Variants in LMNTD1 observed in about 807,000 individuals in gnomAD.
LMNTD1 encodes the protein lamin tail domain-containing protein 1.
A neutral mutation model predicts 50.9 loss-of-function variants in LMNTD1; 35 were observed. The observed-to-expected ratio is 0.69, with a 90% CI of 0.53 to 0.91. The LOEUF is 0.91. Ranked by LOEUF, LMNTD1 falls within the 40% of genes least tolerant of loss-of-function variation. LMNTD1 has a pLI of 0.00. For missense variants in LMNTD1, 470 were observed against 475.5 expected (o/e 0.99, Z 0.11); for synonymous variants, 153 against 161.9 (o/e 0.94, Z 0.42).
At chr12:25,600,019 G>A (rs938376726) in intron 1 of LMNTD1, among the ~76,000 whole-genome samples, 1 of 151,932 alleles carries the variant, frequency 6.6e-6, no homozygotes, top group African/African-American at 2.4e-5. Flanking sequence ...AACAAAACTG[G>A]AGGAATCATG....
In LMNTD1 at chr12:25,534,305, TG is replaced by T. The variant is rs550958989; in HGVS notation, c.492-7351del. Reference sequence around the variant, plus strand: ...CAAGAAGTGACTTTAGCCTTCCATCTGAAACAACTAAAAATCTGGAAAAATA... The same window carrying T: ...CAAGAAGTGACTTTAGCCTTCCATCTAAACAACTAAAAATCTGGAAAAATA... On this transcript the variant is annotated intron_variant, in intron 4 of 9. Transcript: ENST00000458174. Among the ~76,000 whole-genome samples the T allele has an allele frequency of 2.2e-3, 334 of 152,344 alleles. 1 individual carries two copies. Among genetic ancestry groups the T allele is most frequent in the African/African-American group, 7.7e-3 (322 of 41,584 alleles).
intron 4 of LMNTD1, among the ~76,000 whole-genome samples, chr12:25,533,338 C>T (rs1204753832): frequency 1.3e-5 from 2 of 152,144 alleles, no homozygotes; most frequent in East Asian, 1.9e-4. Context: ...AGTGATGTTG[C>T]AATCACCATC....
intron 6 of LMNTD1, among the ~76,000 whole-genome samples, chr12:25,522,646 AT>A (rs1329920566): frequency 2.0e-5 from 3 of 152,282 alleles, no homozygotes; most frequent in African/African-American, 7.2e-5. Context: ...ATGAGTTCCT[AT>A]TGTATAGGAC....
chr12:25,567,143 T>G (rs1358592434), intron 1 of LMNTD1, among the ~76,000 whole-genome samples: 1 of 152,166 alleles, frequency 6.6e-6, no homozygotes, highest in African/African-American at 2.4e-5. Context: ...AAACCAGACA[T>G]CTGAGATAGA....
At chr12:25,545,284 T>C (rs1000254321) in intron 4 of LMNTD1, among the ~76,000 whole-genome samples, 3 of 151,676 alleles carry the variant, frequency 2.0e-5, no homozygotes, top group African/African-American at 4.8e-5. Context: ...TCTCATTACC[T>C]CCTGACCTAC....
At chr12:25,644,579 T>TAA (rs1355213791) in intron 1 of LMNTD1, among the ~76,000 whole-genome samples, 1 of 151,704 alleles carries the variant, frequency 6.6e-6, no homozygotes, top group East Asian at 1.9e-4. Context: ...AGAATCTTGA[T>TAA]AGAGTAACCA....
At chr12:25,582,293 G>A (rs1474829022) in intron 1 of LMNTD1, 2 of 152,194 alleles carry the variant, frequency 1.3e-5, no homozygotes, top group African/African-American at 4.8e-5. Flanking sequence ...ACAGAGGACG[G>A]TCATGACAGG....
At chr12:25,493,146 T>G (rs1591824219) in intron 9 of LMNTD1, among the ~76,000 whole-genome samples, 1 of 152,232 alleles carries the variant, frequency 6.6e-6, no homozygotes, top group South Asian at 2.1e-4. Context: ...TCTTTAAATA[T>G]TTGATTACAA....
chr12:25,622,561 C>T (rs1234931720), intron 1 of LMNTD1, among the ~76,000 whole-genome samples: 5 of 148,592 alleles, frequency 3.4e-5, no homozygotes, highest in Non-Finnish European at 7.4e-5. Flanking sequence ...ACTGTGTATG[C>T]AGCTGAATTT....
At chr12:25,501,797 C>A (rs1158522513) in intron 9 of LMNTD1, among the ~76,000 whole-genome samples, 1 of 151,424 alleles carries the variant, frequency 6.6e-6, no homozygotes, top group Non-Finnish European at 1.5e-5. Context: ...CATCTCTGAA[C>A]AATTTTCCAC....
intron 9 of LMNTD1, among the ~76,000 whole-genome samples, chr12:25,483,772 C>CA (rs10582917): frequency 1.1e-4 from 16 of 146,684 alleles, no homozygotes; most frequent in African/African-American, 2.8e-4. Flanking sequence ...CATTCCATCT[C>CA]AAAAAAAAAA....
In LMNTD1 at chr12:25,524,215, C is replaced by A. The variant is rs114611157; in HGVS notation, c.798+1884G>T. 6.3e-3 allele frequency among the ~76,000 whole-genome samples: 959 copies of A among 152,258 alleles called. 18 individuals carry two copies. Among genetic ancestry groups the A allele is most frequent in the African/African-American group, 0.022 (916 of 41,536 alleles). On this transcript the variant is annotated intron_variant, in intron 6 of 9. Coordinates refer to ENST00000458174, the MANE Select transcript of LMNTD1 (RefSeq NM_001145728.2). ...ATTAAAGCATTGTTTCACTGTATTG[C>A]AATTACTTATTATTACATATCAGTT...
chr12:25,519,567 G>T (rs1471563927), intron 7 of LMNTD1, among the ~76,000 whole-genome samples: 3 of 87,874 alleles, frequency 3.4e-5, no homozygotes, highest in Non-Finnish European at 6.8e-5. Context: ...CAGCCTGGGT[G>T]ACAGAGCGAG....
chr12:25,579,541 A>C (rs954327127), intron 1 of LMNTD1, among the ~76,000 whole-genome samples: 1 of 152,158 alleles, frequency 6.6e-6, no homozygotes, highest in Non-Finnish European at 1.5e-5. Context: ...AGGTGCTATC[A>C]GTTATCTATA....
At chr12:25,538,016 T>A (rs1161596517) in intron 4 of LMNTD1, among the ~76,000 whole-genome samples, 1 of 148,006 alleles carries the variant, frequency 6.8e-6, no homozygotes, top group Non-Finnish European at 1.5e-5. Flanking sequence ...GAAGGAAAGT[T>A]TAGAGAAAAA....
intron 4 of LMNTD1, among the ~76,000 whole-genome samples, chr12:25,528,897 A>T (rs928368763): frequency 6.6e-6 from 1 of 152,168 alleles, no homozygotes; most frequent in African/African-American, 2.4e-5. Context: ...CTTAAAAAAG[A>T]AAAAAGAGAA....
intron 1 of LMNTD1, among the ~76,000 whole-genome samples, chr12:25,607,049 G>A (rs1719523967): frequency 6.6e-6 from 1 of 152,120 alleles, no homozygotes; most frequent in Admixed American, 6.6e-5. Flanking sequence ...CTTCTTGCTG[G>A]TTTAGTCTTG....
chr12:25,486,954 G>T (rs1286876839), intron 9 of LMNTD1, among the ~76,000 whole-genome samples: 1 of 152,124 alleles, frequency 6.6e-6, no homozygotes, highest in African/African-American at 2.4e-5. Flanking sequence ...AAGGATATTG[G>T]TCTTAATCCT....
intron 1 of LMNTD1, among the ~76,000 whole-genome samples, chr12:25,609,038 C>G (rs1306983280): frequency 2.0e-5 from 3 of 152,150 alleles, no homozygotes; most frequent in African/African-American, 7.2e-5. Context: ...TATTTTTTCT[C>G]TAAACTTCTA....
Sources: allele counts gnomAD v4.1 joint callset (sites outside exome capture counted in the v4.1 genomes callset), GRCh38; gene constraint gnomAD v4.1.1; transcripts MANE v1.5; gene names NCBI Gene and HGNC (gene_info 2026-07-23, HGNC 2026-07-21).